Variants in FARS2 observed in about 807,000 individuals in gnomAD.
FARS2 encodes the protein phenylalanyl-tRNA synthetase 2, mitochondrial.
FARS2 carries 40 observed loss-of-function variants against 46.4 expected under a neutral mutation model. The observed-to-expected ratio is 0.86, with a 90% CI of 0.67 to 1.12. The LOEUF (loss-of-function observed/expected upper bound fraction) is 1.12, where lower values mean the gene tolerates loss of function less well. Ranked by LOEUF, FARS2 falls within the 50% of genes most tolerant of loss-of-function variation. The probability of loss-of-function intolerance (pLI) is 0.00; values close to 1 mark genes in which losing one functional copy is unlikely to be tolerated. For missense variants in FARS2, 513 were observed against 567.9 expected (o/e 0.90, Z 0.98); for synonymous variants, 234 against 214.9 (o/e 1.09, Z -0.78).
At chr6:5,691,303 T>C (rs534988096) in intron 6 of FARS2, among the ~76,000 whole-genome samples, 63 of 152,334 alleles carry the variant, frequency 4.1e-4, no homozygotes, top group African/African-American at 1.5e-3. Flanking sequence ...CTCTGTTTTT[T>C]CCCCATCTTT....
At position 5,330,054 on chromosome 6, in the gene FARS2, C is replaced by G. The variant is rs749078127; in HGVS notation, c.-21-38496C>G. On this transcript the variant is annotated intron_variant, in intron 1 of 6. Transcript: ENST00000274680. ...TGTCTCATGGGTCACCAAGAGTGGCCTCATGAGAACAAAATATACTCCTAG... is the reference window on the plus strand; with the variant it reads ...TGTCTCATGGGTCACCAAGAGTGGCGTCATGAGAACAAAATATACTCCTAG... Among the ~76,000 whole-genome samples, 3 of 152,110 alleles carry G rather than the reference C, an allele frequency of 2.0e-5. No homozygotes were observed. The South Asian group carries it at 6.2e-4, about 32-fold the overall frequency.
intron 1 of FARS2, among the ~76,000 whole-genome samples, chr6:5,338,910 T>C (rs1433627444): frequency 2.0e-5 from 3 of 152,194 alleles, no homozygotes; most frequent in Non-Finnish European, 1.5e-5. Context: ...CTTCCCTCAA[T>C]ATACTGTTAT....
At chr6:5,296,723 G>T (rs1251175519) in intron 1 of FARS2, among the ~76,000 whole-genome samples, 1 of 152,094 alleles carries the variant, frequency 6.6e-6, no homozygotes, top group Non-Finnish European at 1.5e-5. Flanking sequence ...CATTTTCATG[G>T]TTCATCCATG....
At position 5,543,183 on chromosome 6, in the gene FARS2, C is replaced by T. The variant is rs186777382; in HGVS notation, c.905-1997C>T. On this transcript the variant is annotated intron_variant, in intron 4 of 6. Transcript: ENST00000274680. Reference sequence around the variant, plus strand: ...TCTCCATCTGTCTGTAGCTTATAGCCTGTGTTCCCATTTGTCTTGATGATT... The same window carrying T: ...TCTCCATCTGTCTGTAGCTTATAGCTTGTGTTCCCATTTGTCTTGATGATT... Among the ~76,000 whole-genome samples, 45 of 152,266 alleles carry T rather than the reference C, an allele frequency of 3.0e-4. 1 individual carries two copies. In the East Asian group the frequency reaches 7.9e-3, roughly 27 times the overall value.
rs183548596 is a variant in FARS2, at chr6:5,475,336, C to A, written c.904+44164C>A. Reference sequence around the variant, plus strand: ...GGGCGTAGTACTACTTTGGACATAACAAAGAAACAACTTGATTTGAATGTA... The same window carrying A: ...GGGCGTAGTACTACTTTGGACATAAAAAAGAAACAACTTGATTTGAATGTA... On this transcript the variant is annotated intron_variant, in intron 4 of 6. Coordinates refer to ENST00000274680, the MANE Select transcript of FARS2 (RefSeq NM_006567.5). Among the ~76,000 whole-genome samples, 5 of 152,234 alleles carry A rather than the reference C, an allele frequency of 3.3e-5. No homozygotes were observed. The East Asian group carries it at 9.6e-4, about 29-fold the overall frequency.
chr6:5,465,903 A>G (rs1490976865), intron 4 of FARS2, among the ~76,000 whole-genome samples: 1 of 151,966 alleles, frequency 6.6e-6, no homozygotes, highest in East Asian at 1.9e-4. Context: ...TAGTTTATCA[A>G]CCTCTGTCTG....
intron 1 of FARS2, among the ~76,000 whole-genome samples, chr6:5,280,261 T>C (rs975516912): frequency 1.3e-5 from 2 of 152,250 alleles, no homozygotes; most frequent in East Asian, 1.9e-4. Context: ...AATAGTGGCA[T>C]GGAAGAACAC....
chr6:5,260,539 C>T, upstream of FARS2: 2 of 1,436,898 alleles, frequency 1.4e-6, no homozygotes, highest in Non-Finnish European at 1.9e-6. Flanking sequence ...TCGCAGCCGC[C>T]GGCAAACCAC....
intron 6 of FARS2, among the ~76,000 whole-genome samples, chr6:5,671,445 TCTC>T (rs1409229248): frequency 6.6e-6 from 1 of 152,334 alleles, no homozygotes; most frequent in Non-Finnish European, 1.5e-5. Flanking sequence ...TGCTCAGTTC[TCTC>T]CTCTGTTTCT....
At chr6:5,517,656 A>G (rs1451441416) in intron 4 of FARS2, among the ~76,000 whole-genome samples, 2 of 152,120 alleles carry the variant, frequency 1.3e-5, no homozygotes, top group African/African-American at 4.8e-5. Flanking sequence ...ACACATACAC[A>G]CATACTGGGT....
At chr6:5,716,977 T>C (rs1429110865) in intron 6 of FARS2, among the ~76,000 whole-genome samples, 1 of 152,210 alleles carries the variant, frequency 6.6e-6, no homozygotes, top group African/African-American at 2.4e-5. Context: ...GGTAGATATG[T>C]GATTGGACAA....
At chr6:5,314,952 G>A (rs1329473173) in intron 1 of FARS2, among the ~76,000 whole-genome samples, 1 of 152,208 alleles carries the variant, frequency 6.6e-6, no homozygotes, top group African/African-American at 2.4e-5. Flanking sequence ...CAAAAGTTCA[G>A]TTGTGTTCTC....
chr6:5,359,029 C>CTTTTTTTTTTTTTTTTTTTT lies in FARS2; in HGVS notation c.-21-9521_-21-9520insTTTTTTTTTTTTTTTTTTTT, dbSNP rs764897456. On this transcript the variant is annotated intron_variant, in intron 1 of 6. Transcript: ENST00000274680. The stretch of plus-strand genomic sequence containing the variant: ...TCGAATTATAGTGATGAAAAGATAC[C>CTTTTTTTTTTTTTTTTTTTT]CTTTTTTTTTTTTTTTTTTTTTTTT... Among the ~76,000 whole-genome samples the CTTTTTTTTTTTTTTTTTTTT allele has an allele frequency of 7.6e-4, 55 of 72,516 alleles. 23 individuals carry two copies. Among genetic ancestry groups the CTTTTTTTTTTTTTTTTTTTT allele is most frequent in the South Asian group, 1.3e-3 (2 of 1,498 alleles). 47.6% of individuals were successfully genotyped at this position (72,516 alleles called of 152,430 possible). A position where few individuals can be genotyped will look rare whatever the true frequency, so the allele number is the denominator to read the frequency against.
chr6:5,386,085 C>G (rs2127679502), intron 2 of FARS2, among the ~76,000 whole-genome samples: 1 of 152,282 alleles, frequency 6.6e-6, no homozygotes, highest in East Asian at 1.9e-4. Flanking sequence ...TCCCCACAGT[C>G]AGCATAATGG....
chr6:5,452,296 T>G (rs987492893), intron 4 of FARS2: 1 of 152,336 alleles, frequency 6.6e-6, no homozygotes, highest in Non-Finnish European at 1.5e-5. Flanking sequence ...AGGCCATACT[T>G]AAGGGTTTGG....
At chr6:5,312,187 CTT>C (rs1036299977) in intron 1 of FARS2, among the ~76,000 whole-genome samples, 1 of 152,132 alleles carries the variant, frequency 6.6e-6, no homozygotes, top group Non-Finnish European at 1.5e-5. Context: ...TTGAATGTGT[CTT>C]TAACTCAAAA....
intron 6 of FARS2, among the ~76,000 whole-genome samples, chr6:5,683,417 G>T (rs911796176): frequency 5.9e-5 from 9 of 152,094 alleles, no homozygotes; most frequent in African/African-American, 2.2e-4. Context: ...CATTTGCCTA[G>T]CTTTGATTCC....
chr6:5,368,509 A>C (rs1758821537), intron 1 of FARS2, 41 bp from the exon 2 acceptor site: 1 of 1,533,416 alleles, frequency 6.5e-7, no homozygotes, highest in African/African-American at 1.4e-5. Context: ...CTTTCCACAG[A>C]GTGACACCTG....
At chr6:5,410,055 C>T (rs908119160) in intron 3 of FARS2, among the ~76,000 whole-genome samples, 1 of 152,134 alleles carries the variant, frequency 6.6e-6, no homozygotes, top group Non-Finnish European at 1.5e-5. Context: ...GTGCTGTGTG[C>T]TTCCTTCATG....
Sources: gnomAD v4.1 joint callset for allele counts (sites outside exome capture counted in the v4.1 genomes callset) on GRCh38, gnomAD v4.1.1 for gene constraint, MANE v1.5 for transcripts, NCBI Gene and HGNC (gene_info 2026-07-23, HGNC 2026-07-21) for gene names.